Variants in CDH8 observed in about 807,000 individuals in gnomAD.
CDH8 encodes the protein cadherin 8, also known as cadherin-8.
In CDH8, 17 loss-of-function variants were observed where a neutral mutation model predicts 68.1. The ratio of observed to expected loss-of-function variants is 0.25; its 90% confidence interval spans 0.17 to 0.37. The LOEUF is 0.37. Ranked by LOEUF, CDH8 falls within the 10% of genes least tolerant of loss-of-function variation. The probability of loss-of-function intolerance (pLI) is 1.00; values close to 1 mark genes in which losing one functional copy is unlikely to be tolerated. For missense variants in CDH8, 763 were observed against 999.3 expected (o/e 0.76, Z 3.19); for synonymous variants, 372 against 365.1 (o/e 1.02, Z -0.21).
chr16:61,732,719 C>G (rs993996389), intron 8 of CDH8, among the ~76,000 whole-genome samples: 1 of 151,680 alleles, frequency 6.6e-6, no homozygotes, highest in Non-Finnish European at 1.5e-5. Context: ...GTAATTATGC[C>G]CTTATAAAAG....
At chr16:62,019,551 C>A (rs1017146071) in intron 2 of CDH8, among the ~76,000 whole-genome samples, 2 of 152,110 alleles carry the variant, frequency 1.3e-5, no homozygotes, top group African/African-American at 4.8e-5. Context: ...GTAAGTAACA[C>A]CCTCAGCAGG....
intron 8 of CDH8, among the ~76,000 whole-genome samples, chr16:61,766,808 G>A (rs1960608568): frequency 6.6e-6 from 1 of 151,932 alleles, no homozygotes; most frequent in South Asian, 2.1e-4. Flanking sequence ...GTAATATTAT[G>A]TGTTAGGAAA....
At chr16:61,732,365 G>GAACA (rs766802147) in intron 8 of CDH8, among the ~76,000 whole-genome samples, 2 of 151,510 alleles carry the variant, frequency 1.3e-5, no homozygotes, top group South Asian at 2.1e-4. Flanking sequence ...AGCGGGAGGT[G>GAACA]AACAAACAAA....
chr16:61,751,081 T>G (rs1340406405), intron 8 of CDH8, among the ~76,000 whole-genome samples: 2 of 152,066 alleles, frequency 1.3e-5, no homozygotes, highest in Non-Finnish European at 2.9e-5. Context: ...TAATGATAGA[T>G]GCTCAGTTGT....
intron 3 of CDH8, among the ~76,000 whole-genome samples, chr16:61,876,612 C>T (rs564657094): frequency 1.3e-5 from 2 of 152,188 alleles, no homozygotes; most frequent in East Asian, 3.9e-4. Flanking sequence ...GCTCATTTCT[C>T]TTCCCAGTCT....
intron 8 of CDH8, 97 bp from the exon 9 acceptor site, chr16:61,727,312 C>G (rs866223525): frequency 8.0e-7 from 1 of 1,253,054 alleles, no homozygotes; most frequent in Admixed American, 2.3e-5. Context: ...TTTCCAACTT[C>G]CCTTAATTAG....
intron 7 of CDH8, among the ~76,000 whole-genome samples, chr16:61,798,191 C>T (rs2050876107): frequency 6.6e-6 from 1 of 152,064 alleles, no homozygotes; most frequent in Non-Finnish European, 1.5e-5. Context: ...ACAAAAAATG[C>T]AAAAATGAAA....
chr16:61,761,194 C>T (rs548548130), intron 8 of CDH8, among the ~76,000 whole-genome samples: 5 of 152,142 alleles, frequency 3.3e-5, no homozygotes, highest in African/African-American at 1.2e-4. Context: ...ATCAGAAAAA[C>T]AAAAGCATGA....
In CDH8 at chr16:61,719,014, A is replaced by T. The variant is rs1236245365; in HGVS notation, c.1537-5056T>A. 3.3e-5 allele frequency among the ~76,000 whole-genome samples: 5 copies of T among 151,304 alleles called. No individual in the cohort carries two copies. The South Asian group carries it at 1.0e-3, about 31-fold the overall frequency. ...TAAAATGTAGTACAAACATATTCAC[A>T]GTTCATATCTAATCAAAATATATTG... On this transcript the variant is annotated intron_variant, in intron 9 of 11. Coordinates refer to ENST00000577390, the MANE Select transcript of CDH8 (RefSeq NM_001796.5).
intron 10 of CDH8, among the ~76,000 whole-genome samples, chr16:61,662,743 G>A (rs75956376): frequency 0.16 from 24,328 of 151,686 alleles, 2,186 homozygotes; most frequent in African/African-American, 0.21. Flanking sequence ...GTGGTTAGAC[G>A]TATATGGTAG....
rs369223091 is a variant in CDH8, at chr16:61,825,103, A to G, written c.744T>C (p.Asp248=). ...ACAGGCCACCAGAGTGTCCACCCATATCTTTGGCTTGGATAACAACCAGGT... is the reference window on the plus strand; with the variant it reads ...ACAGGCCACCAGAGTGTCCACCCATGTCTTTGGCTTGGATAACAACCAGGT... ...EEYLVVIQAK[D]MGGHSGGLSG... is the part of the protein sequence containing the mutation. Residue 248 remains aspartate, a synonymous_variant, in exon 5 of 12, where the codon GAT becomes GAC. Transcript: ENST00000577390. 2.3e-5 allele frequency: 37 copies of G among 1,611,768 alleles called. No homozygotes were observed. The highest frequency in any genetic ancestry group is 3.1e-5 in the Non-Finnish European group (36 of 1,178,632).
At chr16:61,817,765 A>C (rs1380857477) in intron 6 of CDH8, 33 bp from the exon 7 acceptor site, 2 of 1,529,640 alleles carry the variant, frequency 1.3e-6, no homozygotes, top group Non-Finnish European at 1.8e-6. Flanking sequence ...AATGCTTCTC[A>C]CTAATGACCA....
At chr16:61,775,736 C>G (rs1960884454) in intron 8 of CDH8, among the ~76,000 whole-genome samples, 2 of 152,002 alleles carry the variant, frequency 1.3e-5, no homozygotes, top group South Asian at 4.1e-4. Context: ...ACCATATATA[C>G]ATGTGAGGCC....
chr16:61,855,751 T>C (rs765180852), intron 4 of CDH8, among the ~76,000 whole-genome samples: 1 of 152,100 alleles, frequency 6.6e-6, no homozygotes, highest in Non-Finnish European at 1.5e-5. Flanking sequence ...TTGACATTAG[T>C]ATCGAAATAA....
intron 10 of CDH8, among the ~76,000 whole-genome samples, chr16:61,681,335 T>C (rs988231108): frequency 6.6e-6 from 1 of 151,860 alleles, no homozygotes; most frequent in Non-Finnish European, 1.5e-5. Context: ...TGCAATACTA[T>C]TTGGCAATAA....
rs78288705 is a variant in CDH8, at chr16:61,675,105, G to A, written c.1655-19384C>T. Reference sequence around the variant, plus strand: ...ATCTGCACTGAATAATAGGTTAAAGGAAGTTATTAATCTTGAAGGCAAATT... The same window carrying A: ...ATCTGCACTGAATAATAGGTTAAAGAAAGTTATTAATCTTGAAGGCAAATT... On this transcript the variant is annotated intron_variant, in intron 10 of 11. Transcript: ENST00000577390. Among the ~76,000 whole-genome samples, 1,448 of 152,084 alleles carry A rather than the reference G, an allele frequency of 9.5e-3. 28 individuals are homozygous for A. Among genetic ancestry groups the A allele is most frequent in the African/African-American group, 0.033 (1,377 of 41,496 alleles).
intron 3 of CDH8, among the ~76,000 whole-genome samples, chr16:61,892,173 A>G (rs1304481698): frequency 6.6e-6 from 1 of 152,210 alleles, no homozygotes; most frequent in Admixed American, 6.5e-5. Flanking sequence ...ACCTGTAGTC[A>G]TCATAATTTA....
intron 10 of CDH8, among the ~76,000 whole-genome samples, chr16:61,671,409 T>C (rs1472803701): frequency 6.6e-6 from 1 of 151,036 alleles, no homozygotes; most frequent in African/African-American, 2.4e-5. Flanking sequence ...TACCAGCTGA[T>C]AGCAATTTTC....
chr16:61,950,290 C>T (rs1964872179), intron 2 of CDH8, among the ~76,000 whole-genome samples: 1 of 152,052 alleles, frequency 6.6e-6, no homozygotes, highest in Non-Finnish European at 1.5e-5. Flanking sequence ...AGAGATAAGA[C>T]AGAGAGTAGG....
Sources: gnomAD v4.1 joint callset for allele counts (sites outside exome capture counted in the v4.1 genomes callset) on GRCh38, gnomAD v4.1.1 for gene constraint, MANE v1.5 for transcripts, NCBI Gene and HGNC (gene_info 2026-07-23, HGNC 2026-07-21) for gene names.